ANTXR1: variants seen among roughly 807,000 people sequenced by gnomAD.
ANTXR1 encodes the protein ANTXR cell adhesion molecule 1.
ANTXR1 carries 19 observed loss-of-function variants against 78.1 expected under a neutral mutation model. That is an observed-to-expected ratio of 0.24 (90% confidence interval 0.17 to 0.36). The LOEUF (loss-of-function observed/expected upper bound fraction) is 0.36, where lower values mean the gene tolerates loss of function less well. ANTXR1 is among the 10% of genes least tolerant of loss of function. ANTXR1 has a pLI of 1.00. For synonymous variants in ANTXR1, 273 were observed against 260.5 expected (o/e 1.05, Z -0.46); for missense variants, 518 against 718.6 (o/e 0.72, Z 3.19).
chr2:69,142,502 G>A (rs779286195), intron 12 of ANTXR1, among the ~76,000 whole-genome samples: 44 of 152,146 alleles, frequency 2.9e-4, no homozygotes, highest in Non-Finnish European at 1.5e-4. Context: ...TAAAATAAGA[G>A]CACAAATGCA....
intron 17 of ANTXR1, among the ~76,000 whole-genome samples, chr2:69,234,641 T>C (rs1675706890): frequency 6.6e-6 from 1 of 152,066 alleles, no homozygotes; most frequent in South Asian, 2.1e-4. Flanking sequence ...TGCACTCCTG[T>C]AATCCCAGCT....
intron 10 of ANTXR1, chr2:69,103,228 G>A: frequency 4.5e-6 from 2 of 448,768 alleles, no homozygotes; most frequent in Non-Finnish European, 8.3e-6. Context: ...CAGCCCTGCA[G>A]CAGCCCTCCG....
chr2:69,178,205 G>A (rs1355707405), intron 14 of ANTXR1, among the ~76,000 whole-genome samples: 1 of 152,174 alleles, frequency 6.6e-6, no homozygotes, highest in Non-Finnish European at 1.5e-5. Context: ...TTGGCCAAAT[G>A]GAAAGACACA....
chr2:69,034,685 A>G (rs1417694647), intron 1 of ANTXR1, among the ~76,000 whole-genome samples: 1 of 152,170 alleles, frequency 6.6e-6, no homozygotes, highest in Non-Finnish European at 1.5e-5. Flanking sequence ...AAAATCTACA[A>G]CAGAGTCCAA....
chr2:69,070,999 G>A (rs1670547284), intron 4 of ANTXR1, among the ~76,000 whole-genome samples: 2 of 152,106 alleles, frequency 1.3e-5, no homozygotes, highest in South Asian at 2.1e-4. Context: ...CACAAGTCCC[G>A]CCACTCCAAA....
chr2:69,200,802 A>G (rs1315951329), intron 17 of ANTXR1, among the ~76,000 whole-genome samples: 1 of 152,224 alleles, frequency 6.6e-6, no homozygotes, highest in Non-Finnish European at 1.5e-5. Context: ...CATGCACTGT[A>G]TGAACTGCAA....
chr2:69,114,363 G>A (rs1475185449), intron 10 of ANTXR1, among the ~76,000 whole-genome samples: 2 of 152,228 alleles, frequency 1.3e-5, no homozygotes, highest in African/African-American at 4.8e-5. Flanking sequence ...ATGCTGGTGT[G>A]CCCAGAGCTG....
chr2:69,120,068 C>A (rs902349235), intron 10 of ANTXR1, among the ~76,000 whole-genome samples: 1 of 152,180 alleles, frequency 6.6e-6, no homozygotes, highest in African/African-American at 2.4e-5. Context: ...ATTTAATACA[C>A]CTAACTTCCC....
intron 10 of ANTXR1, among the ~76,000 whole-genome samples, chr2:69,120,668 A>G (rs1225898568): frequency 6.6e-6 from 1 of 152,084 alleles, no homozygotes; most frequent in East Asian, 1.9e-4. Context: ...ACTCTCAGAA[A>G]AAAAAGATAA....
At position 69,013,515 on chromosome 2, in the gene ANTXR1, C is replaced by A. The variant is rs756926935; in HGVS notation, c.16C>A (p.Arg6=). MATAE[R]RALGIGFQWL... The stretch of plus-strand genomic sequence containing the variant: ...GCTGCGGGCCATGGCCACGGCGGAG[C>A]GGAGAGCCCTCGGCATCGGCTTCCA... Residue 6 remains arginine (R), a synonymous_variant, in exon 1 of 18, where the codon CGG becomes AGG. Transcript: ENST00000303714. The surrounding 1 kb of genome is among the most constrained non-coding windows in gnomAD (Gnocchi z 5.0). 3 of 1,589,062 alleles carry A rather than the reference C, an allele frequency of 1.9e-6. No individual in the cohort carries two copies. Among genetic ancestry groups the A allele is most frequent in the South Asian group, 1.2e-5 (1 of 86,592 alleles).
chr2:69,177,767 A>C (rs1358399537), intron 14 of ANTXR1, among the ~76,000 whole-genome samples: 1 of 152,194 alleles, frequency 6.6e-6, no homozygotes, highest in Non-Finnish European at 1.5e-5. Context: ...AGTATAGTGC[A>C]GCCCACAACC....
intron 17 of ANTXR1, among the ~76,000 whole-genome samples, chr2:69,234,004 T>G (rs1048881094): frequency 2.6e-5 from 4 of 152,062 alleles, no homozygotes; most frequent in African/African-American, 9.7e-5. Flanking sequence ...AATCACAAAT[T>G]TGGAATGTGC....
chr2:69,146,895 G>A (rs1673245088), intron 12 of ANTXR1, among the ~76,000 whole-genome samples: 1 of 152,256 alleles, frequency 6.6e-6, no homozygotes, highest in South Asian at 2.1e-4. Flanking sequence ...TGAAGAGGGA[G>A]GACAGAGGCC....
rs557910306 is a variant in ANTXR1 at position 69,112,567 on chromosome 2, C to T, written c.802+9627C>T. On this transcript the variant is annotated intron_variant, in intron 10 of 17. Coordinates refer to ENST00000303714, the MANE Select transcript of ANTXR1 (RefSeq NM_032208.3). ...ACTCCTTGCCAAAGGTCACAGGACA[C>T]ATTAGTAGAGAAGTCAAGACTTGAA... Among the ~76,000 whole-genome samples, 4 of 152,294 alleles carry T rather than the reference C, an allele frequency of 2.6e-5. No individual in the cohort carries two copies. In the South Asian group the frequency reaches 8.3e-4, roughly 32 times the overall value.
At chr2:69,237,525 T>A (rs1312908774) in intron 17 of ANTXR1, among the ~76,000 whole-genome samples, 1 of 152,148 alleles carries the variant, frequency 6.6e-6, no homozygotes, top group Non-Finnish European at 1.5e-5. Context: ...CCTCAAACTC[T>A]TGGGCATCCT....
intron 3 of ANTXR1, among the ~76,000 whole-genome samples, chr2:69,057,529 G>A (rs1461741371): frequency 2.0e-5 from 3 of 152,100 alleles, no homozygotes; most frequent in Non-Finnish European, 4.4e-5. Context: ...GTTTTGGGGT[G>A]CCACAAACCA....
At chr2:69,134,661 A>G (rs1672859658) in intron 12 of ANTXR1, among the ~76,000 whole-genome samples, 1 of 152,192 alleles carries the variant, frequency 6.6e-6, no homozygotes, top group Non-Finnish European at 1.5e-5. Flanking sequence ...CAGTATCACA[A>G]ATAAGTTTGG....
chr2:69,136,126 AC>A (rs1297740797), intron 12 of ANTXR1, among the ~76,000 whole-genome samples: 1 of 152,272 alleles, frequency 6.6e-6, no homozygotes, highest in African/African-American at 2.4e-5. Flanking sequence ...ACATCCTACC[AC>A]AGATACATCT....
intron 1 of ANTXR1, among the ~76,000 whole-genome samples, chr2:69,025,080 T>A (rs1315129902): frequency 2.0e-5 from 3 of 152,138 alleles, no homozygotes; most frequent in Non-Finnish European, 4.4e-5. Context: ...ACTGCATAGT[T>A]CCCCAAACTA....
Sources: gnomAD v4.1 joint callset for allele counts (sites outside exome capture counted in the v4.1 genomes callset) on GRCh38, gnomAD v4.1.1 for gene constraint, Gnocchi (gnomAD v3.1) non-coding constraint, MANE v1.5 for transcripts, NCBI Gene and HGNC (gene_info 2026-07-23, HGNC 2026-07-21) for gene names.